The following PPARGC1A variants were observed in gnomAD, a reference collection of about 807,000 sequenced individuals.
PPARGC1A encodes PPARG coactivator 1 alpha.
Under a neutral mutation model 88.7 loss-of-function variants are expected in PPARGC1A, and 25 were observed. The ratio of observed to expected loss-of-function variants is 0.28; its 90% confidence interval spans 0.21 to 0.39. PPARGC1A has a LOEUF of 0.39. Among genes scored for constraint, PPARGC1A ranks in the 10% least tolerant of loss-of-function variants. The pLI is 1.00. For missense variants in PPARGC1A, 880 were observed against 968.7 expected (o/e 0.91, Z 1.22); for synonymous variants, 363 against 355.6 (o/e 1.02, Z -0.24).
In PPARGC1A at chr4:23,826,659, TCTTA is replaced by T. The variant is rs367894593; in HGVS notation, c.757+1737_757+1740del. ...TCACTGAAGTTGAGCATTTATTAGTTCTTACTTGTCAGCCATGTTTCATTTCTTT... is the reference window on the plus strand; with the variant it reads ...TCACTGAAGTTGAGCATTTATTAGTTCTTGTCAGCCATGTTTCATTTCTTT... On this transcript the variant is annotated intron_variant, in intron 5 of 12. Transcript: ENST00000264867. 4.9e-3 allele frequency among the ~76,000 whole-genome samples: 739 copies of T among 152,298 alleles called. 4 individuals carry two copies. Among genetic ancestry groups the T allele is most frequent in the African/African-American group, 0.016 (679 of 41,574 alleles).
chr4:24,258,865 T>C, the PPARGC1A span, among the ~76,000 whole-genome samples: 2 of 152,208 alleles, frequency 1.3e-5, no homozygotes, highest in Non-Finnish European at 2.9e-5. Flanking sequence ...TATTCATGCA[T>C]TGAAAAAATA....
At chr4:24,424,258 C>CTTTT in the PPARGC1A span, among the ~76,000 whole-genome samples, 2,499 of 44,354 alleles carry the variant, frequency 0.056, 864 homozygotes, top group South Asian at 0.068. Context: ...TATACACACA[C>CTTTT]TTTTTTTTTT....
the PPARGC1A span, among the ~76,000 whole-genome samples, chr4:24,395,945 C>CT: frequency 6.6e-6 from 1 of 152,196 alleles, no homozygotes; most frequent in Non-Finnish European, 1.5e-5. Context: ...CACCTGCATT[C>CT]TACCTTCTCA....
At chr4:23,910,196 TA>T in the PPARGC1A span, among the ~76,000 whole-genome samples, 1 of 116,342 alleles carries the variant, frequency 8.6e-6, no homozygotes, top group Non-Finnish European at 1.7e-5. Context: ...ATAAAATATA[TA>T]AAAATTTATA....
At chr4:23,999,446 T>C in the PPARGC1A span, among the ~76,000 whole-genome samples, 1 of 152,230 alleles carries the variant, frequency 6.6e-6, no homozygotes, top group Non-Finnish European at 1.5e-5. Context: ...AAACTCAGCA[T>C]TAGACTCTAC....
chr4:24,356,804 T>C, the PPARGC1A span, among the ~76,000 whole-genome samples: 1 of 152,170 alleles, frequency 6.6e-6, no homozygotes, highest in East Asian at 1.9e-4. Context: ...AAAATATACA[T>C]TATATTATTC....
chr4:24,365,371 T>C, the PPARGC1A span, among the ~76,000 whole-genome samples: 1 of 152,186 alleles, frequency 6.6e-6, no homozygotes, highest in Admixed American at 6.5e-5. Flanking sequence ...TCTTTTCTAA[T>C]GAATTTGTAT....
upstream of PPARGC1A, among the ~76,000 whole-genome samples, chr4:23,899,861 G>C (rs1719081140): frequency 6.6e-6 from 1 of 151,966 alleles, no homozygotes; most frequent in African/African-American, 2.4e-5. Flanking sequence ...TGGTTACATG[G>C]GTACATTGTT....
chr4:24,130,565 A>T, the PPARGC1A span, among the ~76,000 whole-genome samples: 1 of 152,134 alleles, frequency 6.6e-6, no homozygotes, highest in African/African-American at 2.4e-5. Context: ...AGATTACATA[A>T]CTTGTTTGAT....
At chr4:24,145,076 T>C in the PPARGC1A span, among the ~76,000 whole-genome samples, 1 of 123,056 alleles carries the variant, frequency 8.1e-6, no homozygotes, top group Non-Finnish European at 1.6e-5. Flanking sequence ...TAGTGTTGAA[T>C]GAGTGTGTGT....
the PPARGC1A span, among the ~76,000 whole-genome samples, chr4:23,951,687 C>T: frequency 1.3e-5 from 2 of 152,236 alleles, no homozygotes; most frequent in South Asian, 2.1e-4. Context: ...TTAGATGAAA[C>T]ATTCAGAGCT....
chr4:24,322,319 A>G, the PPARGC1A span, among the ~76,000 whole-genome samples: 1 of 152,264 alleles, frequency 6.6e-6, no homozygotes, highest in Non-Finnish European at 1.5e-5. Flanking sequence ...GCACTGGGTG[A>G]GAAATGCATT....
At chr4:23,885,721 A>G (rs1716764310) in intron 1 of PPARGC1A, among the ~76,000 whole-genome samples, 1 of 152,306 alleles carries the variant, frequency 6.6e-6, no homozygotes, top group African/African-American at 2.4e-5. Flanking sequence ...CTGGAAAAGA[A>G]AACTCACAAT....
At chr4:24,005,732 G>T in the PPARGC1A span, among the ~76,000 whole-genome samples, 2 of 152,060 alleles carry the variant, frequency 1.3e-5, no homozygotes, top group Non-Finnish European at 2.9e-5. Context: ...AAGAGGCAGA[G>T]GACATCACTT....
chr4:24,291,453 T>C, the PPARGC1A span, among the ~76,000 whole-genome samples: 1 of 86,822 alleles, frequency 1.2e-5, no homozygotes, highest in Non-Finnish European at 2.1e-5. Flanking sequence ...AGCTCATGGC[T>C]GCCATTCACT....
the PPARGC1A span, among the ~76,000 whole-genome samples, chr4:24,022,742 A>G: frequency 2.3e-4 from 35 of 152,336 alleles, no homozygotes; most frequent in South Asian, 6.8e-3. Context: ...CCCAGCCCAC[A>G]TGACCACTCA....
At chr4:23,967,822 C>G in the PPARGC1A span, among the ~76,000 whole-genome samples, 3 of 152,238 alleles carry the variant, frequency 2.0e-5, no homozygotes, top group Non-Finnish European at 2.9e-5. Context: ...GTTATCGACA[C>G]AGAAGCAGTG....
the PPARGC1A span, among the ~76,000 whole-genome samples, chr4:23,915,677 T>C: frequency 6.6e-6 from 1 of 152,278 alleles, no homozygotes; most frequent in South Asian, 2.1e-4. Context: ...GTGATAGATA[T>C]AGATAGTCAC....
the PPARGC1A span, among the ~76,000 whole-genome samples, chr4:24,250,121 T>C: frequency 6.6e-6 from 1 of 152,160 alleles, no homozygotes; most frequent in Non-Finnish European, 1.5e-5. Context: ...TCTCTAGATA[T>C]GAGGACCAGG....
Sources: gnomAD v4.1 joint callset for allele counts (sites outside exome capture counted in the v4.1 genomes callset) on GRCh38, gnomAD v4.1.1 for gene constraint, MANE v1.5 for transcripts, NCBI Gene and HGNC (gene_info 2026-07-23, HGNC 2026-07-21) for gene names.